SEMA3A: variants seen among roughly 807,000 people sequenced by gnomAD.
SEMA3A encodes the protein semaphorin 3A.
In SEMA3A, 29 loss-of-function variants were observed where a neutral mutation model predicts 97.9. The observed-to-expected ratio is 0.30, with a 90% confidence interval of 0.22 to 0.40. SEMA3A has a LOEUF of 0.40. Ranked by LOEUF, SEMA3A falls within the 10% of genes least tolerant of loss-of-function variation. The pLI is 1.00. For missense variants in SEMA3A, 763 were observed against 951.3 expected, an observed-to-expected ratio of 0.80 and a Z score of 2.60; for synonymous variants, 321 against 323.7, an observed-to-expected ratio of 0.99 and a Z score of 0.09.
chr7:84,172,480 TG>T (rs1272151471), intron 1 of SEMA3A, among the ~76,000 whole-genome samples: 1 of 152,156 alleles, frequency 6.6e-6, no homozygotes, highest in Non-Finnish European at 1.5e-5. Context: ...TGGAGTGCAG[TG>T]GGCTATCTAG....
intron 10 of SEMA3A, among the ~76,000 whole-genome samples, 163 bp downstream of exon 10, chr7:84,007,190 A>G (rs1790701144): frequency 6.6e-6 from 1 of 152,192 alleles, no homozygotes; most frequent in African/African-American, 2.4e-5. Context: ...TAAATGTGAA[A>G]TTTCATTCAA....
chr7:84,234,086 C>A (rs1320021713), intron 3 of SEMA3A, among the ~76,000 whole-genome samples: 3 of 151,812 alleles, frequency 2.0e-5, no homozygotes, highest in African/African-American at 7.3e-5. Context: ...TCAATAGGAA[C>A]CTGCATAAAA....
chr7:84,137,231 T>G (rs973145068), intron 1 of SEMA3A, among the ~76,000 whole-genome samples: 6 of 151,766 alleles, frequency 4.0e-5, no homozygotes, highest in Admixed American at 3.3e-4. Flanking sequence ...AAACCCTGTC[T>G]CTACTAAAAA....
intron 1 of SEMA3A, among the ~76,000 whole-genome samples, chr7:84,423,033 T>C (rs1251984061): frequency 1.3e-5 from 2 of 152,030 alleles, no homozygotes; most frequent in African/African-American, 2.4e-5. Context: ...CAGTGATTAA[T>C]ATTGTAATAG....
At chr7:84,091,926 T>C (rs1794615481) in intron 4 of SEMA3A, among the ~76,000 whole-genome samples, 1 of 152,148 alleles carries the variant, frequency 6.6e-6, no homozygotes, top group South Asian at 2.1e-4. Context: ...AAATGTTATA[T>C]TTTTTCCTAA....
At chr7:84,294,963 G>C (rs909411815) in intron 3 of SEMA3A, among the ~76,000 whole-genome samples, 4 of 152,006 alleles carry the variant, frequency 2.6e-5, no homozygotes, top group Admixed American at 2.6e-4. Context: ...AATGCTGGGG[G>C]CCCTTCTTTC....
chr7:84,347,373 A>C (rs1258106530), intron 2 of SEMA3A, among the ~76,000 whole-genome samples: 3 of 152,066 alleles, frequency 2.0e-5, no homozygotes, highest in Non-Finnish European at 4.4e-5. Context: ...AGCAATAATA[A>C]GAACAGCTTA....
chr7:84,143,161 T>C (rs1424985253), intron 1 of SEMA3A, among the ~76,000 whole-genome samples: 8 of 152,144 alleles, frequency 5.3e-5, no homozygotes, highest in African/African-American at 1.7e-4. Flanking sequence ...CAACAAACCA[T>C]GTTATATACT....
intron 1 of SEMA3A, among the ~76,000 whole-genome samples, chr7:84,402,791 T>A (rs1584294589): frequency 1.3e-5 from 2 of 152,328 alleles, no homozygotes; most frequent in Non-Finnish European, 2.9e-5. Flanking sequence ...GAGGGCATTA[T>A]GTTAAGTGAA....
At chr7:84,266,068 C>T (rs1194291204) in intron 3 of SEMA3A, among the ~76,000 whole-genome samples, 1 of 151,900 alleles carries the variant, frequency 6.6e-6, no homozygotes, top group African/African-American at 2.4e-5. Context: ...TCTGTAATCC[C>T]AACACTTTGG....
intron 1 of SEMA3A, among the ~76,000 whole-genome samples, chr7:84,176,325 G>T (rs995296672): frequency 3.3e-5 from 5 of 152,154 alleles, no homozygotes; most frequent in Admixed American, 3.3e-4. Context: ...TTAGTATCCA[G>T]ACTGGAATGA....
At chr7:84,020,783 T>C (rs1791299480) in intron 6 of SEMA3A, among the ~76,000 whole-genome samples, 1 of 152,218 alleles carries the variant, frequency 6.6e-6, no homozygotes, top group African/African-American at 2.4e-5. Context: ...GTATAATTTG[T>C]GTCCTTATTA....
rs796470836 is a variant in SEMA3A at position 84,143,950 on chromosome 7, AACACACACACACACACACAC to A, written c.113-9019_113-9000del. ...TCTCTCTCTCTCTCTCTCTCTCTCTAACACACACACACACACACACACACACACACACACACACACACACA... is the reference window on the plus strand; with the variant it reads ...TCTCTCTCTCTCTCTCTCTCTCTCTAACACACACACACACACACACACACA... On this transcript the variant is annotated intron_variant, in intron 1 of 16. Transcript: ENST00000265362. Among the ~76,000 whole-genome samples the A allele has an allele frequency of 8.4e-5, 8 of 94,688 alleles. No homozygotes were observed. The South Asian group carries it at 3.0e-3, about 35-fold the overall frequency. The allele number at this position is 94,688 out of a possible 152,430, so 62.1% of individuals were successfully genotyped here.
chr7:84,142,836 T>C (rs1043789910), intron 1 of SEMA3A, among the ~76,000 whole-genome samples: 1 of 152,178 alleles, frequency 6.6e-6, no homozygotes, highest in African/African-American at 2.4e-5. Context: ...ATTTACATAT[T>C]GTACAAACAT....
intron 1 of SEMA3A, among the ~76,000 whole-genome samples, chr7:84,469,118 T>C (rs1043939271): frequency 6.6e-6 from 1 of 152,184 alleles, no homozygotes; most frequent in African/African-American, 2.4e-5. Context: ...GTCCATGTTT[T>C]ACGTTTTGAT....
At chr7:84,296,522 C>T (rs1050700192) in intron 3 of SEMA3A, among the ~76,000 whole-genome samples, 3 of 152,082 alleles carry the variant, frequency 2.0e-5, no homozygotes, top group Non-Finnish European at 4.4e-5. Flanking sequence ...GCCTATGTAG[C>T]AAGTTAGAGT....
At chr7:84,431,033 C>T (rs1011649155) in intron 1 of SEMA3A, among the ~76,000 whole-genome samples, 3 of 151,900 alleles carry the variant, frequency 2.0e-5, no homozygotes, top group African/African-American at 7.2e-5. Context: ...GTTTATGAAG[C>T]GTAAAGCTCT....
intron 1 of SEMA3A, among the ~76,000 whole-genome samples, chr7:84,164,081 G>A (rs995994569): frequency 1.4e-4 from 22 of 152,032 alleles, no homozygotes; most frequent in Admixed American, 7.9e-4. Context: ...CCGACCTCAG[G>A]TGATCCGCCC....
chr7:84,066,959 G>T (rs1023738024), intron 4 of SEMA3A, among the ~76,000 whole-genome samples: 1 of 151,716 alleles, frequency 6.6e-6, no homozygotes, highest in Non-Finnish European at 1.5e-5. Flanking sequence ...AGCCTGCATC[G>T]CCAAGTCAAT....
Sources: allele counts gnomAD v4.1 joint callset (sites outside exome capture counted in the v4.1 genomes callset), GRCh38; gene constraint gnomAD v4.1.1; transcripts MANE v1.5; gene names NCBI Gene and HGNC (gene_info 2026-07-23, HGNC 2026-07-21).